MARCHF3: variants seen among roughly 807,000 people sequenced by gnomAD.
MARCHF3 encodes membrane associated ring-CH-type finger 3.
In MARCHF3, 13 loss-of-function variants were observed where a neutral mutation model predicts 24.2. The ratio of observed to expected loss-of-function variants is 0.54; its 90% CI spans 0.35 to 0.85. The LOEUF (loss-of-function observed/expected upper bound fraction) is 0.85. Among genes scored for constraint, MARCHF3 ranks in the 40% least tolerant of loss-of-function variants. MARCHF3 has a pLI of 0.01. For synonymous variants in MARCHF3, 144 were observed against 137.3 expected, an observed-to-expected ratio of 1.05 and a Z score of -0.34; for missense variants, 276 against 325.0, an observed-to-expected ratio of 0.85 and a Z score of 1.16.
Position 126,870,572 on chromosome 5 carries a change from C to T in MARCHF3, c.*61G>A. The T allele has an allele frequency of 1.3e-6, 2 of 1,541,032 alleles. No homozygotes were observed. Among genetic ancestry groups the T allele is most frequent in the South Asian group, 1.1e-5 (1 of 87,112 alleles). On this transcript the variant is annotated 3_prime_UTR_variant, in exon 5 of 5. Coordinates refer to ENST00000308660, the MANE Select transcript of MARCHF3 (RefSeq NM_178450.5). ...CTTGGGGGTCGCTCAGTGCATGACC[C>T]CAGTGCAGACACTTCCAAACCCCAA...
chr5:126,990,747 A>G (rs189961214), intron 1 of MARCHF3, among the ~76,000 whole-genome samples: 3 of 152,376 alleles, frequency 2.0e-5, no homozygotes, highest in African/African-American at 4.8e-5. Flanking sequence ...GGATATGAAC[A>G]GACACTTTTC....
At chr5:126,903,207 C>T (rs1365223435) in intron 3 of MARCHF3, among the ~76,000 whole-genome samples, 1 of 152,016 alleles carries the variant, frequency 6.6e-6, no homozygotes, top group Non-Finnish European at 1.5e-5. Context: ...GTCACCCAGT[C>T]CTGGAACCTC....
At chr5:126,876,734 C>T (rs73335436) in intron 4 of MARCHF3, among the ~76,000 whole-genome samples, 4,681 of 152,134 alleles carry the variant, frequency 0.031, 232 homozygotes, top group African/African-American at 0.1. Context: ...CAGTGCAACT[C>T]TGCCTTCTAG....
chr5:126,909,865 G>C (rs1754456041), intron 3 of MARCHF3, among the ~76,000 whole-genome samples: 1 of 152,038 alleles, frequency 6.6e-6, no homozygotes, highest in South Asian at 2.1e-4. Flanking sequence ...TCATAAAAAA[G>C]GTTAATAAAT....
chr5:126,962,481 GAAAATAC>G (rs1355579686), intron 1 of MARCHF3, among the ~76,000 whole-genome samples: 2 of 151,460 alleles, frequency 1.3e-5, no homozygotes, highest in Non-Finnish European at 2.9e-5. Flanking sequence ...ATCCCAATCT[GAAAATAC>G]AAAATACAAA....
At chr5:126,881,599 T>G (rs1000302519) in intron 3 of MARCHF3, among the ~76,000 whole-genome samples, 3 of 152,200 alleles carry the variant, frequency 2.0e-5, no homozygotes, top group Non-Finnish European at 4.4e-5. Context: ...CTAATGTACA[T>G]TTTATATTTA....
At chr5:126,896,655 C>G (rs759129735) in intron 3 of MARCHF3, among the ~76,000 whole-genome samples, 1 of 152,026 alleles carries the variant, frequency 6.6e-6, no homozygotes, top group African/African-American at 2.4e-5. Context: ...TATCTACTGT[C>G]GTGGAACCCA....
chr5:126,914,042 G>A (rs1030444775), intron 3 of MARCHF3, among the ~76,000 whole-genome samples: 3 of 142,500 alleles, frequency 2.1e-5, no homozygotes, highest in African/African-American at 2.7e-5. Flanking sequence ...GGAGTGCAGT[G>A]GTGCGATCTG....
chr5:126,956,536 T>C (rs1264977069), intron 1 of MARCHF3, among the ~76,000 whole-genome samples: 1 of 150,760 alleles, frequency 6.6e-6, no homozygotes, highest in Non-Finnish European at 1.5e-5. Context: ...TCCCAGCTAC[T>C]TGGGAGGCTG....
In MARCHF3 at chr5:126,915,221, C is replaced by T. The variant is rs1561424417; in HGVS notation, c.189-87G>A. The T allele has an allele frequency of 6.0e-6, 8 of 1,324,182 alleles. No homozygotes were observed. The South Asian group carries it at 9.1e-5, about 15-fold the overall frequency. The allele number at this position is 1,324,182 out of a possible 1,614,324, so 82.0% of individuals were successfully genotyped here. The stretch of plus-strand genomic sequence containing the variant: ...CCCTCTAGCTCTTGTCCTTTGGGCC[C>T]TCCCCAGAGGCAGCTGCTTTAAGAC... On this transcript the variant is annotated intron_variant, in intron 2 of 4. Coordinates refer to ENST00000308660, the MANE Select transcript of MARCHF3 (RefSeq NM_178450.5).
chr5:126,922,519 T>TA (rs1491396832), intron 1 of MARCHF3, among the ~76,000 whole-genome samples: 2 of 135,404 alleles, frequency 1.5e-5, no homozygotes, highest in East Asian at 2.1e-4. Flanking sequence ...GTCTTTTATT[T>TA]ATTTATTTAT....
intron 3 of MARCHF3, among the ~76,000 whole-genome samples, chr5:126,912,593 A>T (rs556178292): frequency 6.6e-6 from 1 of 152,184 alleles, no homozygotes; most frequent in South Asian, 2.1e-4. Flanking sequence ...AAAAAGATGC[A>T]TGTTTATCTT....
intron 1 of MARCHF3, among the ~76,000 whole-genome samples, chr5:126,998,999 T>A (rs1283777384): frequency 6.6e-6 from 1 of 152,156 alleles, no homozygotes; most frequent in Non-Finnish European, 1.5e-5. Flanking sequence ...CCCAGAAAGT[T>A]CCCTCTCAGC....
intron 3 of MARCHF3, among the ~76,000 whole-genome samples, chr5:126,885,306 G>C (rs565872379): frequency 6.6e-6 from 1 of 152,160 alleles, no homozygotes; most frequent in African/African-American, 2.4e-5. Flanking sequence ...GGTGGTTTAC[G>C]CCTGTAATCT....
Position 126,971,947 on chromosome 5 carries a change from A to C in MARCHF3, c.-56-53720T>G, listed in dbSNP as rs189002056. ...TGATCTCAGTGAACCGGCAACTTAG[A>C]AACTTAGGAGGCAAATTAGAGCAAT... On this transcript the variant is annotated intron_variant, in intron 1 of 4. Coordinates refer to ENST00000308660, the MANE Select transcript of MARCHF3 (RefSeq NM_178450.5). Among the ~76,000 whole-genome samples, 28 of 152,356 alleles carry C rather than the reference A, an allele frequency of 1.8e-4. No homozygotes were observed. The East Asian group carries it at 4.8e-3, about 26-fold the overall frequency.
At chr5:126,974,638 T>C (rs146287338) in intron 1 of MARCHF3, among the ~76,000 whole-genome samples, 1 of 152,316 alleles carries the variant, frequency 6.6e-6, no homozygotes, top group East Asian at 1.9e-4. Context: ...CTAGCACTGT[T>C]TGTCAGATGA....
At chr5:126,913,923 C>T (rs973645072) in intron 3 of MARCHF3, among the ~76,000 whole-genome samples, 20 of 151,088 alleles carry the variant, frequency 1.3e-4, no homozygotes, top group Non-Finnish European at 2.2e-4. Flanking sequence ...TGGCTCCCTT[C>T]AGCTAGCTCT....
At chr5:127,010,711 C>G (rs1752444059) in intron 1 of MARCHF3, among the ~76,000 whole-genome samples, 1 of 152,140 alleles carries the variant, frequency 6.6e-6, no homozygotes, top group African/African-American at 2.4e-5. Flanking sequence ...ACTTTTTCCA[C>G]TGAGGAATAT....
intron 1 of MARCHF3, among the ~76,000 whole-genome samples, chr5:127,026,506 T>A (rs372311912): frequency 6.6e-6 from 1 of 152,246 alleles, no homozygotes; most frequent in Non-Finnish European, 1.5e-5. Context: ...TTATTATATA[T>A]GGTAGTTAAC....
Sources: allele counts gnomAD v4.1 joint callset (sites outside exome capture counted in the v4.1 genomes callset), GRCh38; gene constraint gnomAD v4.1.1; transcripts MANE v1.5; gene names NCBI Gene and HGNC (gene_info 2026-07-23, HGNC 2026-07-21).